Variants in HDHD2 observed in about 807,000 individuals in gnomAD.
The protein encoded by HDHD2 is haloacid dehalogenase like hydrolase domain containing 2, also known as haloacid dehalogenase-like hydrolase domain-containing protein 2.
Under a neutral mutation model 24.8 loss-of-function variants are expected in HDHD2, and 26 were observed. The ratio of observed to expected loss-of-function variants is 1.05; its 90% CI spans 0.77 to 1.45. HDHD2 has a LOEUF of 1.45. HDHD2 is among the 40% of genes most tolerant of loss of function. The pLI is 0.00. For missense variants in HDHD2, 299 were observed against 313.4 expected (o/e 0.95, Z 0.35); for synonymous variants, 128 against 114.9 (o/e 1.11, Z -0.73).
intron 5 of HDHD2, among the ~76,000 whole-genome samples, chr18:47,114,699 T>C (rs1382765861): frequency 1.3e-5 from 2 of 152,158 alleles, no homozygotes; most frequent in African/African-American, 4.8e-5. Context: ...GAGAAGTTCT[T>C]CCATACAGCA....
chr18:47,127,694 G>C (rs371432147), intron 4 of HDHD2, among the ~76,000 whole-genome samples: 2 of 142,320 alleles, frequency 1.4e-5, no homozygotes, highest in East Asian at 2.0e-4. Context: ...CTGGATGACA[G>C]AGCGAGACTT....
At chr18:47,142,197 T>C (rs1233852920) in intron 1 of HDHD2, among the ~76,000 whole-genome samples, 2 of 151,726 alleles carry the variant, frequency 1.3e-5, no homozygotes, top group Non-Finnish European at 2.9e-5. Context: ...GGGAAAGAAA[T>C]CAAAAGAATA....
intron 6 of HDHD2, among the ~76,000 whole-genome samples, chr18:47,112,432 C>T (rs1008599742): frequency 6.6e-6 from 1 of 152,112 alleles, no homozygotes; most frequent in African/African-American, 2.4e-5. Flanking sequence ...TTTCCTTTTT[C>T]CTAAATTTAT....
In HDHD2 at chr18:47,108,793, G is replaced by T; in HGVS notation, c.677-8C>A. The T allele has an allele frequency of 6.4e-7, 1 of 1,566,932 alleles. No homozygotes were observed. The highest frequency in any genetic ancestry group is 8.8e-7 in the Non-Finnish European group (1 of 1,138,348). ...CTGATGCTCGATATTTCCCTGAAAT[G>T]AAAGTAAAGCCAGTAAACACAGGCT... On this transcript the variant is annotated splice_polypyrimidine_tract_variant and splice_region_variant and intron_variant, in intron 6 of 6. Coordinates refer to ENST00000300605, the MANE Select transcript of HDHD2 (RefSeq NM_032124.5).
At chr18:47,111,068 CAT>C (rs1440303570) in intron 6 of HDHD2, 2 of 985,278 alleles carry the variant, frequency 2.0e-6, no homozygotes, top group African/African-American at 1.7e-5. Flanking sequence ...GGCTGTTCCA[CAT>C]GTTTTTAGAA....
Position 47,134,729 on chromosome 18 carries a change from C to CA in HDHD2, c.102-26dup, listed in dbSNP as rs770498655. ...CCTGGAGAGGGCCAAATTCAGAAGT[C>CA]AAAAGGCAGCTTTTACATTCTGGCC... On this transcript the variant is annotated intron_variant, in intron 2 of 6. Coordinates refer to ENST00000300605, the MANE Select transcript of HDHD2 (RefSeq NM_032124.5). The CA allele has an allele frequency of 1.9e-6, 3 of 1,582,020 alleles. No homozygotes were observed. In the African/African-American group the frequency reaches 4.1e-5, roughly 21 times the overall value.
intron 1 of HDHD2, chr18:47,137,065 T>C (rs1213088158): frequency 4.1e-6 from 3 of 727,334 alleles, no homozygotes; most frequent in Non-Finnish European, 7.7e-6. Flanking sequence ...AGAACAACGA[T>C]CATATTAACT....
intron 4 of HDHD2, among the ~76,000 whole-genome samples, chr18:47,118,899 A>G (rs1228530792): frequency 6.8e-6 from 1 of 148,046 alleles, no homozygotes; most frequent in Non-Finnish European, 1.5e-5. Context: ...GATTCTTCCA[A>G]ATACAGGGAT....
chr18:47,127,729 A>C (rs1599941210), intron 4 of HDHD2, among the ~76,000 whole-genome samples: 2 of 151,658 alleles, frequency 1.3e-5, no homozygotes, highest in East Asian at 3.9e-4. Flanking sequence ...AAAAAAAAAA[A>C]CCAACCACAA....
rs756626251 is a variant in HDHD2, at chr18:47,115,245, C to G, written c.499G>C (p.Glu167Gln). ...GTGGCTTTGGTATCTGTGGCATACT[C>G]TAAAGCAGTCACAAATGGTCCAGGC... The part of the protein sequence containing the change: ...LGPGPFVTAL[E>Q]YATDTKATVV... Residue 167 changes from glutamate to glutamine, a missense_variant, in exon 5 of 7, where the codon GAG (glutamate) becomes CAG (glutamine). Physicochemically the swap from Glu to Gln is conservative, Grantham distance 29. Transcript: ENST00000300605. 1.2e-5 allele frequency: 20 copies of G among 1,614,030 alleles called. No individual in the cohort carries two copies. In the South Asian group the frequency reaches 2.1e-4, roughly 17 times the overall value.
chr18:47,121,021 C>T (rs1181579218), intron 4 of HDHD2, among the ~76,000 whole-genome samples: 2 of 151,202 alleles, frequency 1.3e-5, no homozygotes, highest in South Asian at 4.2e-4. Context: ...CAAAATGTGA[C>T]ACAGAGACAC....
chr18:47,135,955 TA>T (rs1189184865), intron 2 of HDHD2, among the ~76,000 whole-genome samples: 3 of 152,232 alleles, frequency 2.0e-5, no homozygotes, highest in Non-Finnish European at 4.4e-5. Flanking sequence ...AGATCCTAGG[TA>T]AAACAAGAAA....
intron 4 of HDHD2, among the ~76,000 whole-genome samples, chr18:47,127,738 A>C (rs1167513570): frequency 6.6e-6 from 1 of 151,530 alleles, no homozygotes; most frequent in Non-Finnish European, 1.5e-5. Flanking sequence ...AACCAACCAC[A>C]ATTCTCAATT....
chr18:47,149,843 A>C (rs2063912217), intron 1 of HDHD2, among the ~76,000 whole-genome samples: 1 of 152,112 alleles, frequency 6.6e-6, no homozygotes, highest in African/African-American at 2.4e-5. Flanking sequence ...TGCATAAGGG[A>C]CTGTGTTGCC....
At chr18:47,130,373 G>A in intron 3 of HDHD2, 45 bp from the exon 4 acceptor site, 1 of 1,288,686 alleles carries the variant, frequency 7.8e-7, no homozygotes, top group Non-Finnish European at 1.1e-6. Context: ...GCAATTAAAA[G>A]CAATGTCACA....
chr18:47,132,224 T>C (rs907961841), intron 3 of HDHD2, among the ~76,000 whole-genome samples: 1 of 152,224 alleles, frequency 6.6e-6, no homozygotes, highest in African/African-American at 2.4e-5. Context: ...ACTTTTTTCA[T>C]TTAATATATC....
At chr18:47,112,233 CAGGATCATAAACTATG>C (rs1183500839) in intron 6 of HDHD2, among the ~76,000 whole-genome samples, 2 of 152,202 alleles carry the variant, frequency 1.3e-5, no homozygotes. Flanking sequence ...CCACTCTACA[CAGGATCATAAACTATG>C]AGGGCGAGAT....
At chr18:47,136,228 T>C in intron 2 of HDHD2, 111 bp downstream of exon 2, 2 of 1,325,000 alleles carry the variant, frequency 1.5e-6, no homozygotes, top group Non-Finnish European at 2.1e-6. Context: ...TTCCTATATA[T>C]GGTTAAGATG....
intron 1 of HDHD2, among the ~76,000 whole-genome samples, chr18:47,149,781 C>T (rs2063911478): frequency 6.6e-6 from 1 of 152,188 alleles, no homozygotes; most frequent in Non-Finnish European, 1.5e-5. Flanking sequence ...ACTACATTTA[C>T]CACTGTCCTG....
Sources: gnomAD v4.1 joint callset for allele counts (sites outside exome capture counted in the v4.1 genomes callset) on GRCh38, gnomAD v4.1.1 for gene constraint, MANE v1.5 for transcripts, NCBI Gene and HGNC (gene_info 2026-07-23, HGNC 2026-07-21) for gene names.